Variants in CNTNAP2 observed in about 807,000 individuals in gnomAD.
The protein encoded by CNTNAP2 is contactin associated protein 2.
In CNTNAP2, 98 loss-of-function variants were observed where a neutral mutation model predicts 155.2. That is an observed-to-expected ratio of 0.63 (90% CI 0.54 to 0.75). CNTNAP2 has a LOEUF of 0.75. Among genes scored for constraint, CNTNAP2 ranks in the 30% least tolerant of loss-of-function variants. CNTNAP2 has a pLI of 0.00. For missense variants in CNTNAP2, 1,727 were observed against 1,688.1 expected (o/e 1.02, Z -0.40); for synonymous variants, 651 against 631.2 (o/e 1.03, Z -0.47).
At chr7:146,373,865 A>C (rs1372233316) in intron 1 of CNTNAP2, among the ~76,000 whole-genome samples, 1 of 152,206 alleles carries the variant, frequency 6.6e-6, no homozygotes, top group Non-Finnish European at 1.5e-5. Flanking sequence ...GAAAATTCGA[A>C]GTAACTGGAT....
chr7:146,728,389 G>C (rs1801468472), intron 1 of CNTNAP2, among the ~76,000 whole-genome samples: 1 of 152,078 alleles, frequency 6.6e-6, no homozygotes, highest in Non-Finnish European at 1.5e-5. Flanking sequence ...GAGAGCCCTT[G>C]ATGTTTATTG....
At chr7:147,167,215 G>A (rs1041389768) in intron 8 of CNTNAP2, 1 of 330,548 alleles carries the variant, frequency 3.0e-6, no homozygotes, top group Non-Finnish European at 5.5e-6. Context: ...TCTTTGCCAG[G>A]ATTCCCAGAA....
chr7:146,789,579 G>A (rs562789697), intron 2 of CNTNAP2, among the ~76,000 whole-genome samples: 6 of 146,626 alleles, frequency 4.1e-5, no homozygotes, highest in Non-Finnish European at 9.0e-5. Context: ...TTTTGAACTT[G>A]TATTATGTGG....
At chr7:147,482,480 A>G (rs1320019985) in intron 10 of CNTNAP2, among the ~76,000 whole-genome samples, 1 of 151,996 alleles carries the variant, frequency 6.6e-6, no homozygotes, top group Non-Finnish European at 1.5e-5. Flanking sequence ...GCACTTTGGG[A>G]GTCCGAGGCA....
intron 1 of CNTNAP2, among the ~76,000 whole-genome samples, chr7:146,347,902 C>G (rs1794842358): frequency 6.6e-6 from 1 of 152,020 alleles, no homozygotes; most frequent in East Asian, 1.9e-4. Context: ...ACATGCCCAC[C>G]ACAGGAAATT....
chr7:147,265,834 G>A (rs993782841), intron 8 of CNTNAP2, among the ~76,000 whole-genome samples: 3 of 152,088 alleles, frequency 2.0e-5, no homozygotes, highest in African/African-American at 4.8e-5. Flanking sequence ...CTCCTTAGGT[G>A]ACATCTCCAA....
At chr7:146,539,220 G>GT (rs1371642741) in intron 1 of CNTNAP2, among the ~76,000 whole-genome samples, 4 of 151,170 alleles carry the variant, frequency 2.6e-5, no homozygotes, top group African/African-American at 7.3e-5. Context: ...CAACCCCTGT[G>GT]TAAGTCCTTT....
intron 1 of CNTNAP2, among the ~76,000 whole-genome samples, chr7:146,219,645 A>G (rs768716387): frequency 1.0e-3 from 156 of 152,320 alleles, no homozygotes; most frequent in Admixed American, 5.6e-3. Context: ...TTAATTTTCA[A>G]AAGTCTCAGG....
chr7:146,638,132 T>A (rs1178026542), intron 1 of CNTNAP2, among the ~76,000 whole-genome samples: 1 of 152,182 alleles, frequency 6.6e-6, no homozygotes, highest in Non-Finnish European at 1.5e-5. Context: ...TATTTCTGTC[T>A]GTAAGCGTAT....
chr7:148,201,290 G>A (rs1165577561), intron 18 of CNTNAP2, among the ~76,000 whole-genome samples: 1 of 152,146 alleles, frequency 6.6e-6, no homozygotes, highest in African/African-American at 2.4e-5. Context: ...GAAAGAAGAG[G>A]TGAATAAAAG....
chr7:146,994,203 A>AT (rs775140803), intron 3 of CNTNAP2, among the ~76,000 whole-genome samples: 19 of 151,386 alleles, frequency 1.3e-4, no homozygotes, highest in South Asian at 4.2e-4. Flanking sequence ...CTGGGTTTTG[A>AT]TTTTTTTTTA....
chr7:146,538,859 TATAAA>T (rs1262424465), intron 1 of CNTNAP2, among the ~76,000 whole-genome samples: 1 of 152,080 alleles, frequency 6.6e-6, no homozygotes, highest in Non-Finnish European at 1.5e-5. Context: ...AAAAATTTAT[TATAAA>T]ATGTAGAAAA....
At chr7:148,083,510 A>T (rs2116551639) in intron 15 of CNTNAP2, among the ~76,000 whole-genome samples, 1 of 152,286 alleles carries the variant, frequency 6.6e-6, no homozygotes, top group Admixed American at 6.5e-5. Context: ...AACCAGAGGC[A>T]GAGAGGAGAA....
At chr7:146,935,024 T>G (rs1374750796) in intron 3 of CNTNAP2, among the ~76,000 whole-genome samples, 1 of 152,244 alleles carries the variant, frequency 6.6e-6, no homozygotes, top group Non-Finnish European at 1.5e-5. Context: ...ACTTTTGATT[T>G]AAAATGTGTT....
At chr7:147,296,330 G>C (rs1475688310) in intron 8 of CNTNAP2, among the ~76,000 whole-genome samples, 1 of 152,144 alleles carries the variant, frequency 6.6e-6, no homozygotes, top group East Asian at 1.9e-4. Context: ...GTGAAGATAG[G>C]GTCTTCAGTG....
At chr7:148,366,018 ATGTATGCATG>A (rs1292512418) in intron 21 of CNTNAP2, among the ~76,000 whole-genome samples, 21 of 1,316 alleles carry the variant, frequency 0.016, 10 homozygotes, top group African/African-American at 0.019. Flanking sequence ...GTGTGTATGC[ATGTATGCATG>A]TGTGTGTATG....
intron 13 of CNTNAP2, among the ~76,000 whole-genome samples, chr7:147,718,877 T>C (rs1796521520): frequency 6.6e-6 from 1 of 152,146 alleles, no homozygotes; most frequent in Admixed American, 6.6e-5. Context: ...CAGTACACAA[T>C]AATAGTGCTC....
intron 12 of CNTNAP2, among the ~76,000 whole-genome samples, chr7:147,590,670 C>G (rs1800719625): frequency 6.6e-6 from 1 of 152,184 alleles, no homozygotes; most frequent in African/African-American, 2.4e-5. Flanking sequence ...CCTGCTCTCA[C>G]AGAGTTTGAA....
intron 1 of CNTNAP2, among the ~76,000 whole-genome samples, chr7:146,189,538 A>G (rs1184736556): frequency 3.9e-5 from 6 of 152,212 alleles, no homozygotes; most frequent in Non-Finnish European, 7.3e-5. Flanking sequence ...ATCTTAGAGA[A>G]ACACAGAAGG....
Sources: gnomAD v4.1 joint callset for allele counts (sites outside exome capture counted in the v4.1 genomes callset) on GRCh38, gnomAD v4.1.1 for gene constraint, MANE v1.5 for transcripts, NCBI Gene and HGNC (gene_info 2026-07-23, HGNC 2026-07-21) for gene names.